The following DYNC1I2 variants were observed in gnomAD, a reference collection of about 807,000 sequenced individuals.
DYNC1I2 encodes the protein dynein cytoplasmic 1 intermediate chain 2.
In DYNC1I2, 53 loss-of-function variants were observed where a neutral mutation model predicts 88.6. That is an observed-to-expected ratio of 0.60 (90% CI 0.48 to 0.75). The LOEUF is 0.75. Among genes scored for constraint, DYNC1I2 ranks in the 30% least tolerant of loss-of-function variants. The pLI is 0.00. For missense variants in DYNC1I2, 458 were observed against 766.6 expected (o/e 0.60, Z 4.75); for synonymous variants, 198 against 254.6 (o/e 0.78, Z 2.12).
At chr2:171,743,984 ATAAG>A in intron 15 of DYNC1I2, 61 bp from the exon 16 acceptor site, 3 of 1,378,300 alleles carry the variant, frequency 2.2e-6, no homozygotes, top group Non-Finnish European at 2.9e-6. Flanking sequence ...TTTCCCAGTG[ATAAG>A]TAGTTTAATG....
At chr2:171,710,134 C>T (rs868053602) in intron 5 of DYNC1I2, among the ~76,000 whole-genome samples, 3,496 of 142,452 alleles carry the variant, frequency 0.025, 117 homozygotes, top group African/African-American at 0.08. Flanking sequence ...CACACACACA[C>T]ACACACACAC....
At chr2:171,725,495 A>G (rs1160302914) in intron 7 of DYNC1I2, 123 bp from the exon 8 acceptor site, 17 of 603,188 alleles carry the variant, frequency 2.8e-5, no homozygotes, top group Middle Eastern at 4.5e-4. Context: ...TTTTGCTTAT[A>G]TCTTGGGAGT....
At chr2:171,704,678 C>G (rs1264267018) in intron 3 of DYNC1I2, among the ~76,000 whole-genome samples, 1 of 152,034 alleles carries the variant, frequency 6.6e-6, no homozygotes, top group Non-Finnish European at 1.5e-5. Context: ...CATTTGAGAA[C>G]CTGTGAGTTG....
At chr2:171,688,898 C>T (rs1413577158) in intron 1 of DYNC1I2, among the ~76,000 whole-genome samples, 1 of 152,088 alleles carries the variant, frequency 6.6e-6, no homozygotes, top group Non-Finnish European at 1.5e-5. Context: ...TTTAATACTT[C>T]ACTTGTACAG....
chr2:171,689,983 C>T (rs1185140429), intron 1 of DYNC1I2, among the ~76,000 whole-genome samples, 164 bp from the exon 2 acceptor site: 1 of 150,382 alleles, frequency 6.6e-6, no homozygotes, highest in East Asian at 1.9e-4. Flanking sequence ...ACTTTAGCCT[C>T]CCAAAGTAAG....
intron 7 of DYNC1I2, among the ~76,000 whole-genome samples, chr2:171,719,763 C>T (rs1473545387): frequency 1.3e-5 from 2 of 152,056 alleles, no homozygotes; most frequent in Non-Finnish European, 2.9e-5. Flanking sequence ...TTCTGGCCAC[C>T]TTCTTGCTTT....
intron 3 of DYNC1I2, among the ~76,000 whole-genome samples, chr2:171,695,709 G>A (rs1448302257): frequency 6.6e-6 from 1 of 152,040 alleles, no homozygotes; most frequent in Admixed American, 6.5e-5. Context: ...TACTTTCTCT[G>A]GGGTGTATCC....
At chr2:171,730,982 A>G (rs1688565420) in intron 15 of DYNC1I2, among the ~76,000 whole-genome samples, 1 of 152,222 alleles carries the variant, frequency 6.6e-6, no homozygotes, top group Non-Finnish European at 1.5e-5. Flanking sequence ...CTTGCCTTTT[A>G]AAATTGAGCA....
intron 15 of DYNC1I2, 35 bp downstream of exon 15, chr2:171,729,888 G>A: frequency 6.2e-7 from 1 of 1,610,462 alleles, no homozygotes; most frequent in Non-Finnish European, 8.5e-7. Flanking sequence ...ATTTGCTCAG[G>A]TTTCTGACAC....
At chr2:171,705,928 T>C (rs572861042) in intron 3 of DYNC1I2, among the ~76,000 whole-genome samples, 4 of 152,180 alleles carry the variant, frequency 2.6e-5, no homozygotes, top group South Asian at 4.1e-4. Flanking sequence ...GATTTTTTTT[T>C]CTTATAATCT....
intron 15 of DYNC1I2, among the ~76,000 whole-genome samples, chr2:171,735,595 A>G (rs1397442719): frequency 5.9e-5 from 9 of 152,222 alleles, no homozygotes; most frequent in Non-Finnish European, 1.0e-4. Context: ...TTTTCCGTGT[A>G]TGGAAGTTTA....
rs1213827413 is a variant in DYNC1I2, at chr2:171,728,614, G to A, written c.1258-103G>A. 11 of 1,082,942 alleles carry A rather than the reference G, an allele frequency of 1.0e-5. No individual in the cohort carries two copies. In the South Asian group the frequency reaches 1.6e-4, roughly 15 times the overall value. The allele number at this position is 1,082,942 out of a possible 1,614,324, so 67.1% of individuals were successfully genotyped here. A position where few individuals can be genotyped will look rare whatever the true frequency, so the allele number is the denominator to read the frequency against. ...CCTGCTTCATTTAATTTAGATTTAT[G>A]TAAATAATAAAAGAATTGTTTACAA... On this transcript the variant is annotated intron_variant, in intron 13 of 17. Coordinates refer to ENST00000397119, the MANE Select transcript of DYNC1I2 (RefSeq NM_001378.3).
chr2:171,735,729 T>G lies in DYNC1I2; in HGVS notation c.1536+5876T>G, dbSNP rs1015186389. 1.1e-4 allele frequency among the ~76,000 whole-genome samples: 16 copies of G among 151,998 alleles called. 1 individual carries two copies. Among genetic ancestry groups the G allele is most frequent in the African/African-American group, 2.9e-4 (12 of 41,380 alleles). On this transcript the variant is annotated intron_variant, in intron 15 of 17. Transcript: ENST00000397119. Reference sequence around the variant, plus strand: ...GAAAAATGGCTGGGAGAATAAGGAGTGAAAGCTTCTGCAGGGTAACAAGGA... The same window carrying G: ...GAAAAATGGCTGGGAGAATAAGGAGGGAAAGCTTCTGCAGGGTAACAAGGA...
intron 1 of DYNC1I2, chr2:171,688,053 C>T (rs913600416): frequency 6.6e-6 from 1 of 152,302 alleles, no homozygotes; most frequent in African/African-American, 2.4e-5. Context: ...CCTTTCCCTT[C>T]TCGACCCTCC....
chr2:171,694,720 C>G (rs1685636406), intron 3 of DYNC1I2, among the ~76,000 whole-genome samples: 1 of 152,134 alleles, frequency 6.6e-6, no homozygotes, highest in South Asian at 2.1e-4. Context: ...AAGTATGTTG[C>G]TGGCTTCTTG....
intron 15 of DYNC1I2, among the ~76,000 whole-genome samples, chr2:171,731,219 G>A (rs78149014): frequency 6.6e-6 from 1 of 152,162 alleles, no homozygotes; most frequent in African/African-American, 2.4e-5. Context: ...AATTTATACA[G>A]TGGGAAAAGG....
chr2:171,704,656 AGTCTTTTCTTAC>A (rs1373041254), intron 3 of DYNC1I2, among the ~76,000 whole-genome samples: 2 of 152,064 alleles, frequency 1.3e-5, no homozygotes, highest in Non-Finnish European at 2.9e-5. Context: ...TCCAGAAGTG[AGTCTTTTCTTAC>A]ATTTGAGAAC....
intron 3 of DYNC1I2, 58 bp downstream of exon 3, chr2:171,692,952 A>C: frequency 8.3e-7 from 1 of 1,202,118 alleles, no homozygotes; most frequent in Non-Finnish European, 1.2e-6. Flanking sequence ...TTCAGCTCAG[A>C]CATAGCTGAG....
intron 15 of DYNC1I2, among the ~76,000 whole-genome samples, chr2:171,739,889 A>G (rs1032535869): frequency 5.3e-5 from 8 of 151,696 alleles, no homozygotes; most frequent in African/African-American, 1.9e-4. Context: ...TATTTTTTGT[A>G]GAGACAGGGT....
Sources: gnomAD v4.1 joint callset for allele counts (sites outside exome capture counted in the v4.1 genomes callset) on GRCh38, gnomAD v4.1.1 for gene constraint, MANE v1.5 for transcripts, NCBI Gene and HGNC (gene_info 2026-07-23, HGNC 2026-07-21) for gene names.